The following NVL variants were observed in gnomAD, a reference collection of about 807,000 sequenced individuals.
NVL encodes nuclear VCP like, also known as nuclear valosin-containing protein-like.
A neutral mutation model predicts 110.2 loss-of-function variants in NVL; 84 were observed. The observed-to-expected ratio is 0.76, with a 90% CI of 0.64 to 0.91. The LOEUF is 0.91. NVL is among the 40% of genes least tolerant of loss of function. NVL has a pLI of 0.00. For missense variants in NVL, 882 were observed against 1,035.9 expected, an observed-to-expected ratio of 0.85 and a Z score of 2.04; for synonymous variants, 354 against 361.1, an observed-to-expected ratio of 0.98 and a Z score of 0.22.
chr1:224,326,770 A>C (rs1293203354), intron 1 of NVL, among the ~76,000 whole-genome samples: 1 of 152,156 alleles, frequency 6.6e-6, no homozygotes, highest in Admixed American at 6.5e-5. Context: ...GTAAACTCAT[A>C]AGGGTAGGAG....
At chr1:224,290,493 C>T (rs1667263662) in intron 12 of NVL, among the ~76,000 whole-genome samples, 2 of 151,972 alleles carry the variant, frequency 1.3e-5, no homozygotes, top group South Asian at 2.1e-4. Flanking sequence ...CCCGTCTCTA[C>T]TAAACATACA....
At chr1:224,237,961 C>CAAAAAAA (rs200152434) in intron 19 of NVL, among the ~76,000 whole-genome samples, 2 of 135,728 alleles carry the variant, frequency 1.5e-5, no homozygotes, top group South Asian at 2.2e-4. Context: ...GACTTGGTTT[C>CAAAAAAA]AAAAAAAAAA....
At chr1:224,251,703 G>A (rs1023021308) in intron 18 of NVL, among the ~76,000 whole-genome samples, 1 of 151,794 alleles carries the variant, frequency 6.6e-6, no homozygotes, top group African/African-American at 2.4e-5. Context: ...CCCACCTTCC[G>A]GCCCCAAACT....
chr1:224,311,914 AT>A, intron 4 of NVL, 57 bp from the exon 5 acceptor site: 1 of 1,314,548 alleles, frequency 7.6e-7, no homozygotes, highest in South Asian at 1.2e-5. Context: ...TCCTAAAAAA[AT>A]GACTACCCAA....
At chr1:224,267,643 T>A (rs1385794052) in intron 18 of NVL, among the ~76,000 whole-genome samples, 1 of 147,080 alleles carries the variant, frequency 6.8e-6, no homozygotes, top group Non-Finnish European at 1.5e-5. Flanking sequence ...GCCAAGGTCA[T>A]GCCACTGCAT....
chr1:224,247,925 G>A (rs905987463), intron 19 of NVL, among the ~76,000 whole-genome samples: 2 of 152,176 alleles, frequency 1.3e-5, no homozygotes, highest in East Asian at 3.9e-4. Context: ...CCCTGGGGAC[G>A]TGAGGTGGGG....
chr1:224,250,976 A>T (rs568106136), intron 18 of NVL, among the ~76,000 whole-genome samples: 1 of 152,144 alleles, frequency 6.6e-6, no homozygotes, highest in African/African-American at 2.4e-5. Context: ...AAAATCTTTT[A>T]AAAAATGCAA....
At chr1:224,246,260 C>T (rs956969199) in intron 19 of NVL, among the ~76,000 whole-genome samples, 3 of 151,384 alleles carry the variant, frequency 2.0e-5, no homozygotes, top group African/African-American at 7.3e-5. Context: ...GAACTCCTGA[C>T]CTCAAGTGAT....
chr1:224,274,632 G>A (rs1000821507), intron 17 of NVL, among the ~76,000 whole-genome samples: 4 of 151,974 alleles, frequency 2.6e-5, no homozygotes, highest in African/African-American at 7.3e-5. Context: ...GCAAAACTCC[G>A]TCTCGAAAAA....
chr1:224,310,126 C>T (rs1023881632), intron 5 of NVL, among the ~76,000 whole-genome samples: 10 of 131,598 alleles, frequency 7.6e-5, no homozygotes, highest in African/African-American at 2.7e-4. Flanking sequence ...ACTCCAGCCT[C>T]GGTGATCACA....
intron 18 of NVL, among the ~76,000 whole-genome samples, chr1:224,258,922 T>C (rs550855372): frequency 1.5e-5 from 2 of 137,628 alleles, no homozygotes; most frequent in Non-Finnish European, 3.0e-5. Flanking sequence ...GCAGGGGGCA[T>C]GCTGCAGGCC....
chr1:224,290,623 A>G (rs1296783928), intron 12 of NVL, among the ~76,000 whole-genome samples: 4 of 152,150 alleles, frequency 2.6e-5, no homozygotes, highest in Non-Finnish European at 5.9e-5. Flanking sequence ...TAACACGGTG[A>G]AACCCCGTCT....
At position 224,326,396 on chromosome 1, in the gene NVL, C is replaced by T. The variant is rs1558372016; in HGVS notation, c.126G>A (p.Val42=). 14 of 1,608,130 alleles carry T rather than the reference C, an allele frequency of 8.7e-6. No individual in the cohort carries two copies. The highest frequency in any genetic ancestry group is 2.2e-5 in the East Asian group (1 of 44,734). The change falls in exon 2 of 23, where the codon GTG becomes GTA. Residue 42 remains valine (V), a synonymous_variant. Transcript: ENST00000281701. ...CGGAAACTATATTTATTTACCTGTACACTCTTTGTAAATCAGACGCTAAGA... is the reference window on the plus strand; with the variant it reads ...CGGAAACTATATTTATTTACCTGTATACTCTTTGTAAATCAGACGCTAAGA... ...IGVLASDLQR[V]YSIDYGRRKR... is the part of the protein sequence containing the mutation.
intron 19 of NVL, among the ~76,000 whole-genome samples, chr1:224,237,747 G>A (rs1571774435): frequency 7.9e-5 from 1 of 12,698 alleles, no homozygotes; most frequent in Admixed American, 6.8e-4. Context: ...TTTTTTTTGA[G>A]ACAGTCTCGC....
intron 19 of NVL, among the ~76,000 whole-genome samples, chr1:224,243,955 G>A (rs1296274506): frequency 6.8e-6 from 1 of 147,720 alleles, no homozygotes; most frequent in Non-Finnish European, 1.5e-5. Context: ...CACCACACCC[G>A]GCCTTGTCAC....
chr1:224,288,205 T>C (rs911064274), intron 13 of NVL, among the ~76,000 whole-genome samples: 1 of 152,216 alleles, frequency 6.6e-6, no homozygotes, highest in Non-Finnish European at 1.5e-5. Context: ...ATACCAATTA[T>C]AATTATAATT....
At chr1:224,240,154 G>A (rs1335483797) in intron 19 of NVL, among the ~76,000 whole-genome samples, 2 of 137,222 alleles carry the variant, frequency 1.5e-5, no homozygotes, top group African/African-American at 5.5e-5. Flanking sequence ...TGCAACCTCC[G>A]CCCCTCAGGT....
chr1:224,268,154 T>C, intron 17 of NVL, 21 bp from the exon 18 acceptor site: 2 of 1,544,984 alleles, frequency 1.3e-6, no homozygotes, highest in Non-Finnish European at 8.9e-7. Context: ...ATAAATCTGG[T>C]TCCATCAGCT....
intron 16 of NVL, among the ~76,000 whole-genome samples, chr1:224,278,901 G>T (rs998880850): frequency 8.6e-5 from 13 of 151,876 alleles, no homozygotes; most frequent in Admixed American, 1.3e-4. Context: ...ATTTTATGGG[G>T]TTTTTTTGTA....
Sources: allele counts gnomAD v4.1 joint callset (sites outside exome capture counted in the v4.1 genomes callset), GRCh38; gene constraint gnomAD v4.1.1; transcripts MANE v1.5; gene names NCBI Gene and HGNC (gene_info 2026-07-23, HGNC 2026-07-21).